Variants in EIF4EBP2 observed in about 807,000 individuals in gnomAD.
EIF4EBP2 encodes the protein eukaryotic translation initiation factor 4E binding protein 2.
A neutral mutation model predicts 10.3 loss-of-function variants in EIF4EBP2; 5 were observed. That is an observed-to-expected ratio of 0.48 (90% confidence interval 0.25 to 1.02). The LOEUF (loss-of-function observed/expected upper bound fraction) is 1.02. Among genes scored for constraint, EIF4EBP2 ranks in the 50% least tolerant of loss-of-function variants. EIF4EBP2 has a pLI of 0.15. For synonymous variants in EIF4EBP2, 67 were observed against 61.1 expected (o/e 1.10, Z -0.45); for missense variants, 188 against 162.2 (o/e 1.16, Z -0.86).
chr10:70,405,025 C>T (rs1242111265), intron 1 of EIF4EBP2, among the ~76,000 whole-genome samples: 5 of 152,206 alleles, frequency 3.3e-5, no homozygotes, highest in Non-Finnish European at 7.3e-5. Flanking sequence ...TTTAGAACAC[C>T]GGGAGGAGGC....
intron 1 of EIF4EBP2, among the ~76,000 whole-genome samples, chr10:70,413,609 CAA>C (rs57681671): frequency 0.44 from 42,807 of 96,540 alleles, 6,659 homozygotes; most frequent in East Asian, 0.56. Context: ...CCCTGACTCT[CAA>C]AAAAAAAAAA....
chr10:70,407,013 TCAGCCTCCCGA>T (rs1194294020), intron 1 of EIF4EBP2, among the ~76,000 whole-genome samples: 5 of 152,208 alleles, frequency 3.3e-5, no homozygotes, highest in Non-Finnish European at 7.3e-5. Context: ...TTCTCCTGCC[TCAGCCTCCCGA>T]GTAGCTGGGG....
chr10:70,410,670 CACTT>C (rs1328756358), intron 1 of EIF4EBP2, among the ~76,000 whole-genome samples: 2 of 152,218 alleles, frequency 1.3e-5, no homozygotes, highest in African/African-American at 2.4e-5. Flanking sequence ...GCAGAGAAAA[CACTT>C]TCTTTGTTAA....
At chr10:70,407,572 C>G (rs1167342714) in intron 1 of EIF4EBP2, among the ~76,000 whole-genome samples, 2 of 152,144 alleles carry the variant, frequency 1.3e-5, no homozygotes, top group Admixed American at 6.5e-5. Flanking sequence ...CCTTTCCCCC[C>G]TTTCTATTCC....
At chr10:70,410,582 G>T (rs910197132) in intron 1 of EIF4EBP2, among the ~76,000 whole-genome samples, 1 of 152,242 alleles carries the variant, frequency 6.6e-6, no homozygotes, top group Non-Finnish European at 1.5e-5. Context: ...TAAAACTGAA[G>T]TTCATTCATG....
At chr10:70,418,516 G>A (rs1162287091) in intron 1 of EIF4EBP2, among the ~76,000 whole-genome samples, 1 of 152,270 alleles carries the variant, frequency 6.6e-6, no homozygotes, top group East Asian at 1.9e-4. Context: ...ACTTGATAGG[G>A]CTTAGAGACT....
Position 70,411,869 on chromosome 10 carries a change from C to CT in EIF4EBP2, c.145+7331dup, listed in dbSNP as rs970537917. Among the ~76,000 whole-genome samples, 9 of 152,160 alleles carry CT rather than the reference C, an allele frequency of 5.9e-5. No individual in the cohort carries two copies. In the South Asian group the frequency reaches 8.3e-4, roughly 14 times the overall value. On this transcript the variant is annotated intron_variant, in intron 1 of 2. Transcript: ENST00000373218. ...TCTGTCTCCTATCCTCTTAATTTAA[C>CT]TTTTTTTTACCCTTTTTGGTCAAAC...
At chr10:70,413,628 A>G (rs957899578) in intron 1 of EIF4EBP2, among the ~76,000 whole-genome samples, 143 of 151,820 alleles carry the variant, frequency 9.4e-4, no homozygotes, top group South Asian at 2.7e-3. Flanking sequence ...AAAAAAAAAA[A>G]AAAGAAATCA....
intron 2 of EIF4EBP2, among the ~76,000 whole-genome samples, chr10:70,421,211 C>T (rs1228857667): frequency 6.6e-6 from 1 of 152,174 alleles, no homozygotes; most frequent in Non-Finnish European, 1.5e-5. Context: ...TCCTCCAACA[C>T]ATTCTTTTTT....
At chr10:70,414,629 A>G (rs1352278508) in intron 1 of EIF4EBP2, among the ~76,000 whole-genome samples, 5 of 152,204 alleles carry the variant, frequency 3.3e-5, no homozygotes, top group African/African-American at 1.2e-4. Context: ...GCACTTTGGG[A>G]GGCCAAGGCT....
chr10:70,423,485 A>G lies in EIF4EBP2; in HGVS notation c.*1738A>G, dbSNP rs1489132496. 2.6e-5 allele frequency: 4 copies of G among 152,580 alleles called. No individual in the cohort carries two copies. The highest frequency in any genetic ancestry group is 9.7e-5 in the African/African-American group (4 of 41,442). 9.5% of individuals were successfully genotyped at this position (152,580 alleles called of 1,614,324 possible). ...ATCCCGGGAGAATGATTCCCCTCAT[A>G]GAAAGACAAAAGCATCCATCCCCTC... On this transcript the variant is annotated 3_prime_UTR_variant, in exon 3 of 3. Coordinates refer to ENST00000373218, the MANE Select transcript of EIF4EBP2 (RefSeq NM_004096.5).
At chr10:70,419,457 C>T (rs1300756697) in intron 1 of EIF4EBP2, among the ~76,000 whole-genome samples, 1 of 152,122 alleles carries the variant, frequency 6.6e-6, no homozygotes, top group Non-Finnish European at 1.5e-5. Flanking sequence ...TTTTCTCATA[C>T]TTGTTTATTC....
Position 70,422,613 on chromosome 10 carries a change from CAGGTCCATACCA to C in EIF4EBP2, c.*869_*880del, listed in dbSNP as rs1466629902. On this transcript the variant is annotated 3_prime_UTR_variant, in exon 3 of 3. Transcript: ENST00000373218. ...AAAGTGATTTTGTCTGCTCCTAGAG[CAGGTCCATACCA>C]AGTAATAGAGGCACTTTAGCTTCCA... 2.0e-5 allele frequency: 3 copies of C among 152,250 alleles called. No individual in the cohort carries two copies. The highest frequency in any genetic ancestry group is 2.0e-4 in the Admixed American group (3 of 15,290). The allele number at this position is 152,250 out of a possible 1,614,324, so 9.4% of individuals were successfully genotyped here.
Position 70,422,913 on chromosome 10 carries a change from A to C in EIF4EBP2, c.*1166A>C, listed in dbSNP as rs568130529. 3 of 152,142 alleles carry C rather than the reference A, an allele frequency of 2.0e-5. No individual in the cohort carries two copies. The highest frequency in any genetic ancestry group is 7.2e-5 in the African/African-American group (3 of 41,434). 9.4% of individuals were successfully genotyped at this position (152,142 alleles called of 1,614,324 possible). A position where few individuals can be genotyped will look rare whatever the true frequency, so the allele number is the denominator to read the frequency against. On this transcript the variant is annotated 3_prime_UTR_variant, in exon 3 of 3. Transcript: ENST00000373218. Reference sequence around the variant, plus strand: ...GGGATAGATAAGCATGGGCTTAAAAAATGTGTTCCTCCCAGTTTTCTTGCC... The same window carrying C: ...GGGATAGATAAGCATGGGCTTAAAACATGTGTTCCTCCCAGTTTTCTTGCC...
At position 70,426,307 on chromosome 10, in the gene EIF4EBP2, G is replaced by GGCTGGGGT. The variant is rs1305449217; in HGVS notation, c.*4566_*4573dup. The GGCTGGGGT allele has an allele frequency of 6.6e-6, 1 of 152,116 alleles. No homozygotes were observed. The highest frequency in any genetic ancestry group is 1.5e-5 in the Non-Finnish European group (1 of 68,046). The allele number at this position is 152,116 out of a possible 1,614,324, so 9.4% of individuals were successfully genotyped here. On this transcript the variant is annotated 3_prime_UTR_variant, in exon 3 of 3. Transcript: ENST00000373218. The stretch of plus-strand genomic sequence containing the variant: ...GACAAGAGTTGCGCCCTGTCGCCCA[G>GGCTGGGGT]GCTGGGGTGCTGGAGTGCAGTGGTG...
intron 1 of EIF4EBP2, among the ~76,000 whole-genome samples, chr10:70,418,806 T>G (rs1845125428): frequency 6.6e-6 from 1 of 152,196 alleles, no homozygotes; most frequent in Non-Finnish European, 1.5e-5. Flanking sequence ...ACTTTCCTTG[T>G]CCTAAAATTA....
chr10:70,407,609 C>T (rs1015358075), intron 1 of EIF4EBP2, among the ~76,000 whole-genome samples: 17 of 152,144 alleles, frequency 1.1e-4, no homozygotes, highest in Non-Finnish European at 2.4e-4. Flanking sequence ...CATCATGGCC[C>T]GTTCTCAATG....
chr10:70,411,348 A>G (rs1435181660), intron 1 of EIF4EBP2, among the ~76,000 whole-genome samples: 4 of 151,842 alleles, frequency 2.6e-5, no homozygotes, highest in Admixed American at 2.6e-4. Flanking sequence ...GTAAATGAAC[A>G]TTCATCAGTG....
rs77899240 is a variant in EIF4EBP2 at position 70,407,125 on chromosome 10, T to G, written c.145+2579T>G. Among the ~76,000 whole-genome samples, 1,326 of 150,556 alleles carry G rather than the reference T, an allele frequency of 8.8e-3. 24 individuals are homozygous for G. The highest frequency in any genetic ancestry group is 0.027 in the African/African-American group (1,106 of 41,192). ...TGTTAGCCAGGATGGTCTTTTTTTT[T>G]TTGTTGTTGTTGATCATTCTTGGGT... On this transcript the variant is annotated intron_variant, in intron 1 of 2. Coordinates refer to ENST00000373218, the MANE Select transcript of EIF4EBP2 (RefSeq NM_004096.5).
Sources: allele counts gnomAD v4.1 joint callset (sites outside exome capture counted in the v4.1 genomes callset), GRCh38; gene constraint gnomAD v4.1.1; transcripts MANE v1.5; gene names NCBI Gene and HGNC (gene_info 2026-07-23, HGNC 2026-07-21).